The following CRBN variants were observed in gnomAD, a reference collection of about 807,000 sequenced individuals.
CRBN encodes protein cereblon.
Under a neutral mutation model 62.2 loss-of-function variants are expected in CRBN, and 53 were observed. That is an observed-to-expected ratio of 0.85 (90% confidence interval 0.68 to 1.07). The LOEUF (loss-of-function observed/expected upper bound fraction) is 1.07, where lower values mean the gene tolerates loss of function less well. Ranked by LOEUF, CRBN falls within the 50% of genes least tolerant of loss-of-function variation. CRBN has a pLI of 0.00. For missense variants in CRBN, 616 were observed against 531.1 expected (o/e 1.16, Z -1.57); for synonymous variants, 208 against 176.1 (o/e 1.18, Z -1.43).
rs534542700 is a variant in CRBN, at chr3:3,174,007, G to A, written c.377+52C>T. ...TGCTTTGGCTTCAACACTGACCACTGCAATTACCCATGAGAGGGAATGTAT... is the reference window on the plus strand; with the variant it reads ...TGCTTTGGCTTCAACACTGACCACTACAATTACCCATGAGAGGGAATGTAT... On this transcript the variant is annotated intron_variant, in intron 3 of 10. Transcript: ENST00000231948. 1.2e-4 allele frequency: 172 copies of A among 1,457,764 alleles called. 2 individuals carry two copies. The South Asian group carries it at 1.9e-3, about 16-fold the overall frequency. 90.3% of individuals were successfully genotyped at this position (1,457,764 alleles called of 1,614,324 possible).
intron 5 of CRBN, among the ~76,000 whole-genome samples, chr3:3,160,376 T>C (rs531240058): frequency 1.1e-4 from 17 of 152,314 alleles, no homozygotes; most frequent in African/African-American, 4.1e-4. Context: ...ATAATTTATA[T>C]AAATAATTAA....
chr3:3,156,848 C>T (rs1335743996), intron 5 of CRBN: 2 of 152,750 alleles, frequency 1.3e-5, no homozygotes, highest in East Asian at 3.8e-4. Context: ...TAACTGAAAT[C>T]CAAACAGGAG....
intron 10 of CRBN, 126 bp from the exon 11 acceptor site, chr3:3,151,171 T>C: frequency 9.9e-7 from 1 of 1,010,942 alleles, no homozygotes; most frequent in Non-Finnish European, 1.5e-6. Context: ...AGTTGAGATT[T>C]GATCCATACA....
chr3:3,151,119 A>AAGAC (rs1706512430), intron 10 of CRBN, 74 bp from the exon 11 acceptor site: 2 of 1,517,210 alleles, frequency 1.3e-6, no homozygotes, highest in Admixed American at 1.8e-5. Flanking sequence ...ACCTATCATG[A>AAGAC]AGACAGACTT....
chr3:3,160,146 ATAAC>A (rs1414179109), intron 5 of CRBN, among the ~76,000 whole-genome samples: 2 of 152,342 alleles, frequency 1.3e-5, no homozygotes, highest in African/African-American at 4.8e-5. Context: ...CTTAAGCCTC[ATAAC>A]TATGGCTTCG....
chr3:3,176,665 G>A (rs932178309), intron 1 of CRBN, among the ~76,000 whole-genome samples: 1 of 152,228 alleles, frequency 6.6e-6, no homozygotes, highest in East Asian at 1.9e-4. Flanking sequence ...GAACCCAGGA[G>A]GTGGAGGTTG....
chr3:3,162,973 G>C (rs1707198662), intron 5 of CRBN, among the ~76,000 whole-genome samples: 1 of 152,222 alleles, frequency 6.6e-6, no homozygotes, highest in Non-Finnish European at 1.5e-5. Context: ...TAAAGGTGCA[G>C]CATGCCAAAC....
intron 5 of CRBN, among the ~76,000 whole-genome samples, chr3:3,157,297 T>C (rs1023685990): frequency 1.3e-5 from 2 of 152,194 alleles, no homozygotes; most frequent in Non-Finnish European, 2.9e-5. Flanking sequence ...GAACAAGGTA[T>C]AGCAGAATAT....
intron 7 of CRBN, 141 bp downstream of exon 7, chr3:3,154,606 C>G: frequency 6.2e-6 from 4 of 649,992 alleles, no homozygotes; most frequent in South Asian, 1.7e-5. Context: ...TTCAACTGCT[C>G]AAAGGAAATT....
intron 4 of CRBN, among the ~76,000 whole-genome samples, chr3:3,171,242 T>G (rs1297270549): frequency 6.6e-6 from 1 of 152,208 alleles, no homozygotes; most frequent in Non-Finnish European, 1.5e-5. Context: ...AAATATACTT[T>G]TCCCCAAGTC....
intron 7 of CRBN, chr3:3,154,441 T>G: frequency 2.2e-6 from 1 of 464,936 alleles, no homozygotes; most frequent in Non-Finnish European, 3.9e-6. Flanking sequence ...TAAAGGCACC[T>G]TGAAGAACAG....
At chr3:3,174,985 C>T (rs1235904721) in intron 2 of CRBN, among the ~76,000 whole-genome samples, 178 bp downstream of exon 2, 1 of 152,058 alleles carries the variant, frequency 6.6e-6, no homozygotes, top group Non-Finnish European at 1.5e-5. Context: ...TCTACCACAA[C>T]ATAGTATTAA....
At chr3:3,173,474 A>G (rs1480401054) in intron 3 of CRBN, among the ~76,000 whole-genome samples, 2 of 152,206 alleles carry the variant, frequency 1.3e-5, no homozygotes, top group Non-Finnish European at 2.9e-5. Context: ...TAGAACTTAC[A>G]GGGGTTTAAA....
chr3:3,160,608 A>G (rs4685610), intron 5 of CRBN, among the ~76,000 whole-genome samples: 41,191 of 152,106 alleles, frequency 0.27, 5,576 homozygotes, highest in South Asian at 0.3. Flanking sequence ...TCTTTATATA[A>G]AAATAGTCAA....
rs776519022 is a variant in CRBN, at chr3:3,179,661, G to T, written c.27C>A (p.Asp9Glu). The change falls in exon 1 of 11, where the codon GAC becomes GAA. Residue 9 changes from aspartate to glutamate, a missense_variant. By Grantham distance (45) the Asp-to-Glu change is conservative. Transcript: ENST00000231948. Reference protein sequence around the residue: MAGEGDQQDAAHNMGNHLP... With the variant: MAGEGDQQEAAHNMGNHLP... ...GGTGGTTGCCCATGTTGTGCGCAGCGTCCTGCTGATCTCCTTCGCCGGCCA... is the reference window on the plus strand; with the variant it reads ...GGTGGTTGCCCATGTTGTGCGCAGCTTCCTGCTGATCTCCTTCGCCGGCCA... 6.2e-7 allele frequency: 1 copy of T among 1,613,098 alleles called. No individual in the cohort carries two copies. The highest frequency in any genetic ancestry group is 1.1e-5 in the South Asian group (1 of 91,026).
intron 4 of CRBN, 149 bp downstream of exon 4, chr3:3,172,627 T>C (rs1376126965): frequency 2.6e-5 from 20 of 775,898 alleles, no homozygotes; most frequent in Non-Finnish European, 1.3e-5. Context: ...ATAGCAAGGT[T>C]GGAAACCACT....
In CRBN at chr3:3,156,194, A is replaced by G. The variant is rs1316021180; in HGVS notation, c.750+25T>C. 1.9e-6 allele frequency: 3 copies of G among 1,593,216 alleles called. No individual in the cohort carries two copies. The Admixed American group carries it at 5.0e-5, about 27-fold the overall frequency. ...TTATGACATGGCCTACCATATATAA[A>G]GTAAATTTAAGGTAAGTTACTTACA... On this transcript the variant is annotated intron_variant, in intron 6 of 10. Transcript: ENST00000231948.
At position 3,161,394 on chromosome 3, in the gene CRBN, G is replaced by T. The variant is rs552552584; in HGVS notation, c.688-5113C>A. On this transcript the variant is annotated intron_variant, in intron 5 of 10. Transcript: ENST00000231948. ...CACTTATCAGATCAGCAAACATCAG[G>T]TTTGATACTACATTGCCTGTCAGGC... Among the ~76,000 whole-genome samples, 7 of 152,260 alleles carry T rather than the reference G, an allele frequency of 4.6e-5. No individual in the cohort carries two copies. The East Asian group carries it at 7.7e-4, about 17-fold the overall frequency.
chr3:3,153,204 T>A (rs1001827245), intron 9 of CRBN: 2 of 492,060 alleles, frequency 4.1e-6, no homozygotes, highest in African/African-American at 3.9e-5. Context: ...TGTTTTACTT[T>A]ACCATGCTCA....
Sources: gnomAD v4.1 joint callset for allele counts (sites outside exome capture counted in the v4.1 genomes callset) on GRCh38, gnomAD v4.1.1 for gene constraint, MANE v1.5 for transcripts, NCBI Gene and HGNC (gene_info 2026-07-23, HGNC 2026-07-21) for gene names.